Variants in TAF1 observed in about 807,000 individuals in gnomAD.
The protein encoded by TAF1 is TATA-box binding protein associated factor 1, also known as transcription initiation factor TFIID subunit 1.
A neutral mutation model predicts 138.5 loss-of-function variants in TAF1; 2 were observed. The ratio of observed to expected loss-of-function variants is 0.01; its 90% CI spans 0.01 to 0.05. The LOEUF (loss-of-function observed/expected upper bound fraction) is 0.05. Among genes scored for constraint, TAF1 ranks in the 10% least tolerant of loss-of-function variants. TAF1 has a pLI of 1.00. For missense variants in TAF1, 709 were observed against 1,478.0 expected (o/e 0.48, Z 8.53); for synonymous variants, 437 against 503.2 (o/e 0.87, Z 1.76).
chrX:71,497,071 TCTG>T (rs2039410588), intron 13 of TAF1, among the ~76,000 whole-genome samples: 1 of 112,313 alleles, frequency 8.9e-6, no homozygotes. Context: ...TGCCACTAGT[TCTG>T]CTAACTGGGT....
chrX:71,518,815 C>G lies in TAF1; in HGVS notation c.1367-9727C>G, dbSNP rs1168139648. 4.8e-5 allele frequency among the ~76,000 whole-genome samples: 5 copies of G among 103,852 alleles called. No homozygotes were observed. The East Asian group carries it at 1.6e-3, about 32-fold the overall frequency. 90.2% of individuals were successfully genotyped at this position (103,852 alleles called of 115,157 possible). On this transcript the variant is annotated intron_variant and NMD_transcript_variant, in intron 13 of 14. Transcript: ENST00000373775. ...GGTTCAAACAATTCTCCTGCCTCAGCCTCCCGAGTAGGTGGAACTACAGGC... is the reference window on the plus strand; with the variant it reads ...GGTTCAAACAATTCTCCTGCCTCAGGCTCCCGAGTAGGTGGAACTACAGGC...
chrX:71,404,583 C>T (rs1335765404), intron 25 of TAF1, among the ~76,000 whole-genome samples: 5 of 110,673 alleles, frequency 4.5e-5, no homozygotes, highest in Non-Finnish European at 9.5e-5. Context: ...GTGATCTGCC[C>T]GCCTCCACCT....
intron 13 of TAF1, among the ~76,000 whole-genome samples, chrX:71,516,541 T>C (rs1246934913): frequency 9.2e-6 from 1 of 108,721 alleles, no homozygotes; most frequent in Non-Finnish European, 1.9e-5. Flanking sequence ...CTTTGGGAGA[T>C]TGAGGTAGGA....
chrX:71,448,820 C>CTTTTTTTTTTTTT (rs760089481), intron 32 of TAF1, among the ~76,000 whole-genome samples: 1 of 92,439 alleles, frequency 1.1e-5, no homozygotes, highest in Admixed American at 1.2e-4. Context: ...TTTTCTTTTT[C>CTTTTTTTTTTTTT]TTTTTTTTTT....
At chrX:71,372,028 G>A (rs897377137) in intron 3 of TAF1, among the ~76,000 whole-genome samples, 3 of 111,449 alleles carry the variant, frequency 2.7e-5, no homozygotes, top group African/African-American at 9.8e-5. Flanking sequence ...GTCGCTCTGG[G>A]GTTTTGATTA....
At chrX:71,422,097 CAA>C (rs755218205) in intron 29 of TAF1, among the ~76,000 whole-genome samples, 25 of 112,021 alleles carry the variant, frequency 2.2e-4, no homozygotes, top group Non-Finnish European at 4.3e-4. Context: ...TCCCATTACG[CAA>C]AAGTCACTAA....
At chrX:71,457,232 A>G (rs1236858440) in intron 34 of TAF1, among the ~76,000 whole-genome samples, 3 of 112,514 alleles carry the variant, frequency 2.7e-5, no homozygotes, top group African/African-American at 9.7e-5. Flanking sequence ...ACACAATGTA[A>G]CACATATCTG....
Position 71,492,647 on chromosome X carries a change from C to A in TAF1, c.1366+31844C>A, listed in dbSNP as rs970481354. On this transcript the variant is annotated intron_variant and NMD_transcript_variant, in intron 13 of 14. Coordinates refer to the TAF1 transcript ENST00000373775. ...GATCTTCTGATCGCCCGGCTCCTAGCTGCGGATCAGGGCCCGCTGGGCGCA... is the reference window on the plus strand; with the variant it reads ...GATCTTCTGATCGCCCGGCTCCTAGATGCGGATCAGGGCCCGCTGGGCGCA... The A allele has an allele frequency of 2.7e-4, 33 of 121,665 alleles. 1 individual carries two copies. Among genetic ancestry groups the A allele is most frequent in the Non-Finnish European group, 4.7e-4 (28 of 58,968 alleles). The allele number at this position is 121,665 out of a possible 1,213,427, so 10.0% of individuals were successfully genotyped here.
At position 71,384,150 on chromosome X, in the gene TAF1, A is replaced by G; in HGVS notation, c.2121+15A>G. ...ATTATAAACGGGTGAGTCTCTGCTC[A>G]GAAAATTTTTTTCCCATACATAATT... On this transcript the variant is annotated intron_variant, in intron 13 of 37. Transcript: ENST00000423759. The G allele has an allele frequency of 8.3e-7, 1 of 1,204,515 alleles. No homozygotes were observed. The highest frequency in any genetic ancestry group is 1.7e-5 in the African/African-American group (1 of 57,529).
intron 32 of TAF1, among the ~76,000 whole-genome samples, chrX:71,450,494 C>T (rs759255970): frequency 1.2e-3 from 137 of 112,476 alleles, no homozygotes; most frequent in African/African-American, 4.1e-3. Context: ...TGAGCCACTG[C>T]GCCTGGCCTG....
chrX:71,366,494 T>A lies in TAF1; in HGVS notation c.120T>A (p.Asp40Glu). The A allele has an allele frequency of 1.6e-6, 1 of 623,178 alleles. No homozygotes were observed. The highest frequency in any genetic ancestry group is 2.0e-6 in the Non-Finnish European group (1 of 492,291). 51.4% of individuals were successfully genotyped at this position (623,178 alleles called of 1,213,427 possible). The change falls in exon 1 of 38, where the codon GAT becomes GAA. Residue 40 changes from aspartate (D) to glutamate (E), a missense_variant and splice_region_variant. Physicochemically the swap from Asp to Glu is conservative, Grantham distance 45. Coordinates refer to ENST00000423759, the MANE Select transcript of TAF1 (RefSeq NM_004606.5). The stretch of plus-strand genomic sequence containing the variant: ...TGGAGGGGGAAAGCGTCTTGGATGA[T>A]GTGAGGGGGTGGGCGTGGGGGTAGG... ...GQLEGESVLD[D>E]ECKKHLAGLG...
rs1304849460 is a variant in TAF1 at position 71,452,888 on chromosome X, G to A, written c.4754-1282G>A. ...AGCCCGGCCAACACAGCGAAACCCG[G>A]TCTCCACCAAAAAAATACGAAAACC... On this transcript the variant is annotated intron_variant, in intron 32 of 37. Coordinates refer to ENST00000423759, the MANE Select transcript of TAF1 (RefSeq NM_004606.5). Among the ~76,000 whole-genome samples, 11 of 112,381 alleles carry A rather than the reference G, an allele frequency of 9.8e-5. No individual in the cohort carries two copies. In the South Asian group the frequency reaches 1.8e-3, roughly 19 times the overall value.
chrX:71,367,469 T>G (rs199970817), intron 1 of TAF1, 30 bp from the exon 2 acceptor site: 201 of 1,200,154 alleles, frequency 1.7e-4, no homozygotes, highest in Non-Finnish European at 3.6e-5. Context: ...GTTTAGTTGT[T>G]ATCTTCGACT....
chrX:71,388,506 C>G (rs992012910), intron 16 of TAF1, 128 bp downstream of exon 16: 3 of 1,003,183 alleles, frequency 3.0e-6, no homozygotes, highest in Non-Finnish European at 2.7e-6. Context: ...GGTAGCAGAT[C>G]TTCTAACACT....
intron 29 of TAF1, among the ~76,000 whole-genome samples, chrX:71,422,576 C>T (rs1322576709): frequency 2.8e-5 from 3 of 107,608 alleles, no homozygotes; most frequent in Admixed American, 1.0e-4. Context: ...TCCACCTGCT[C>T]GGCCTCCCAG....
chrX:71,459,024 A>G, intron 35 of TAF1: 1 of 365,199 alleles, frequency 2.7e-6, no homozygotes, highest in South Asian at 3.3e-5. Flanking sequence ...CTGTCTAAAC[A>G]GCCCCCACTA....
intron 32 of TAF1, among the ~76,000 whole-genome samples, chrX:71,430,242 G>A (rs1019872252): frequency 1.8e-5 from 2 of 110,076 alleles, no homozygotes; most frequent in African/African-American, 3.3e-5. Context: ...TTAGCCGGGC[G>A]TGGTGGCGAG....
At chrX:71,454,300 A>C (rs2038185460) in intron 33 of TAF1, 63 bp downstream of exon 33, 2 of 1,033,797 alleles carry the variant, frequency 1.9e-6, no homozygotes, top group African/African-American at 3.8e-5. Context: ...CTTTACAAAA[A>C]AAGATTTAAA....
Position 71,408,584 on chromosome X carries a change from G to T in TAF1, c.4384+433G>T, listed in dbSNP as rs192095671. Among the ~76,000 whole-genome samples the T allele has an allele frequency of 3.2e-3, 352 of 111,670 alleles. 2 individuals carry two copies. Among genetic ancestry groups the T allele is most frequent in the Non-Finnish European group, 5.0e-3 (265 of 53,097 alleles). On this transcript the variant is annotated intron_variant, in intron 28 of 37. Coordinates refer to ENST00000423759, the MANE Select transcript of TAF1 (RefSeq NM_004606.5). ...CCCGCCTCAGCCTCCCAGGATTACA[G>T]GTGTGAGCCACTGCGCCCGGCCTAA...
Sources: allele counts gnomAD v4.1 joint callset (sites outside exome capture counted in the v4.1 genomes callset), GRCh38; gene constraint gnomAD v4.1.1; transcripts MANE v1.5; gene names NCBI Gene and HGNC (gene_info 2026-07-23, HGNC 2026-07-21).